The following TTC27 variants were observed in gnomAD, a reference collection of about 807,000 sequenced individuals.
TTC27 encodes the protein tetratricopeptide repeat protein 27.
A neutral mutation model predicts 115.9 loss-of-function variants in TTC27; 79 were observed. The ratio of observed to expected loss-of-function variants is 0.68; its 90% CI spans 0.57 to 0.82. TTC27 has a LOEUF of 0.82. TTC27 is among the 40% of genes least tolerant of loss of function. The probability of loss-of-function intolerance (pLI) is 0.00; values close to 1 mark genes in which losing one functional copy is unlikely to be tolerated. For missense variants in TTC27, 1,054 were observed against 993.1 expected (o/e 1.06, Z -0.82); for synonymous variants, 401 against 356.0 (o/e 1.13, Z -1.42).
intron 13 of TTC27, among the ~76,000 whole-genome samples, chr2:32,760,685 A>G (rs112233861): frequency 0.012 from 1,801 of 152,152 alleles, 33 homozygotes; most frequent in African/African-American, 0.04. Flanking sequence ...ATATCCTTGC[A>G]TATCTTGGAA....
Position 32,777,902 on chromosome 2 carries a change from C to A in TTC27, c.1701C>A (p.Leu567=). 1.9e-6 allele frequency: 3 copies of A among 1,613,996 alleles called. No homozygotes were observed. The highest frequency in any genetic ancestry group is 2.5e-6 in the Non-Finnish European group (3 of 1,179,976). The change falls in exon 14 of 20, where the codon CTC becomes CTA. Residue 567 remains leucine, a synonymous_variant. Coordinates refer to ENST00000317907, the MANE Select transcript of TTC27 (RefSeq NM_017735.5). ...NPMQLGVWFS[L]GCAYLALEDY... is the part of the protein sequence containing the mutation. ...TGCAGCTCGGGGTGTGGTTTTCTCT[C>A]GGTTGTGCCTATTTGGCCTTGGAAG...
intron 19 of TTC27, among the ~76,000 whole-genome samples, chr2:32,818,272 A>G (rs1219020085): frequency 6.6e-6 from 1 of 152,202 alleles, no homozygotes; most frequent in South Asian, 2.1e-4. Flanking sequence ...TTTCATGAAT[A>G]TTATTGCTTA....
chr2:32,704,164 A>G (rs539192424), intron 10 of TTC27, among the ~76,000 whole-genome samples: 2 of 152,266 alleles, frequency 1.3e-5, no homozygotes, highest in South Asian at 2.1e-4. Context: ...CATTCGGACT[A>G]TAGTAATTAA....
chr2:32,723,617 A>G (rs1667996898), intron 10 of TTC27, among the ~76,000 whole-genome samples: 2 of 151,814 alleles, frequency 1.3e-5, no homozygotes, highest in Non-Finnish European at 2.9e-5. Flanking sequence ...AATTGAGCTC[A>G]CTTAGAATAG....
At chr2:32,678,795 A>G in intron 8 of TTC27, 61 bp from the exon 9 acceptor site, 2 of 1,289,468 alleles carry the variant, frequency 1.6e-6, no homozygotes, top group Non-Finnish European at 2.2e-6. Flanking sequence ...TTTAAAAATT[A>G]TATTTCATTA....
At chr2:32,777,145 C>G (rs1670022488) in intron 13 of TTC27, among the ~76,000 whole-genome samples, 1 of 152,196 alleles carries the variant, frequency 6.6e-6, no homozygotes, top group Non-Finnish European at 1.5e-5. Flanking sequence ...ATGCCTAAAG[C>G]AGATATATGC....
chr2:32,727,556 T>C (rs879641158), intron 10 of TTC27, among the ~76,000 whole-genome samples: 1 of 152,210 alleles, frequency 6.6e-6, no homozygotes, highest in Non-Finnish European at 1.5e-5. Context: ...ACTAACATAC[T>C]CTTTCCCTGT....
At chr2:32,742,211 G>C (rs1283192935) in intron 12 of TTC27, among the ~76,000 whole-genome samples, 1 of 152,092 alleles carries the variant, frequency 6.6e-6, no homozygotes, top group Non-Finnish European at 1.5e-5. Flanking sequence ...CCCCACAACT[G>C]CCTCCCATCA....
At chr2:32,773,441 G>A (rs1297384360) in intron 13 of TTC27, among the ~76,000 whole-genome samples, 2 of 152,178 alleles carry the variant, frequency 1.3e-5, no homozygotes, top group Non-Finnish European at 2.9e-5. Flanking sequence ...GGTTTTCCCA[G>A]CACATGTTAA....
chr2:32,771,530 T>C (rs1047805177), intron 13 of TTC27, among the ~76,000 whole-genome samples: 2 of 152,188 alleles, frequency 1.3e-5, no homozygotes, highest in Non-Finnish European at 2.9e-5. Context: ...TAATAACCTC[T>C]AGTAAAAGAA....
intron 10 of TTC27, among the ~76,000 whole-genome samples, chr2:32,728,037 CTTTTT>C (rs564322443): frequency 1.9e-5 from 2 of 105,326 alleles, no homozygotes; most frequent in Admixed American, 1.1e-4. Flanking sequence ...AGGACTGCCT[CTTTTT>C]TTTTTTTTTT....
At chr2:32,731,891 T>C (rs181917612) in intron 10 of TTC27, among the ~76,000 whole-genome samples, 20 of 152,342 alleles carry the variant, frequency 1.3e-4, no homozygotes, top group Non-Finnish European at 2.4e-4. Context: ...AATGAGGAAA[T>C]ATTTACTGAG....
At chr2:32,760,716 C>G (rs1669406445) in intron 13 of TTC27, among the ~76,000 whole-genome samples, 1 of 152,180 alleles carries the variant, frequency 6.6e-6, no homozygotes, top group South Asian at 2.1e-4. Flanking sequence ...AAAGTTTACC[C>G]TAGCTGCAGT....
At chr2:32,737,059 C>T (rs1279319117) in intron 12 of TTC27, among the ~76,000 whole-genome samples, 1 of 152,062 alleles carries the variant, frequency 6.6e-6, no homozygotes, top group African/African-American at 2.4e-5. Flanking sequence ...CTTTACTCAC[C>T]TTCTCCCTTA....
chr2:32,696,137 A>AAAT (rs1666979281), intron 9 of TTC27, among the ~76,000 whole-genome samples: 1 of 149,076 alleles, frequency 6.7e-6, no homozygotes, highest in Non-Finnish European at 1.5e-5. Flanking sequence ...AAAAAAAAAA[A>AAAT]AATAATTGTT....
intron 16 of TTC27, among the ~76,000 whole-genome samples, chr2:32,805,746 G>T (rs1006679846): frequency 6.6e-6 from 1 of 152,194 alleles, no homozygotes; most frequent in Non-Finnish European, 1.5e-5. Flanking sequence ...GAGGATCAAT[G>T]ATAATTGTAA....
intron 12 of TTC27, among the ~76,000 whole-genome samples, chr2:32,737,085 G>A (rs574622496): frequency 2.0e-5 from 3 of 152,214 alleles, no homozygotes; most frequent in Admixed American, 1.3e-4. Context: ...ACTTCAAAGC[G>A]AAATATTTGG....
intron 11 of TTC27, among the ~76,000 whole-genome samples, chr2:32,736,389 A>G (rs1480802082): frequency 1.3e-5 from 2 of 152,160 alleles, no homozygotes; most frequent in Non-Finnish European, 2.9e-5. Context: ...TTATATACAG[A>G]GTGTCTAGGT....
At chr2:32,713,092 C>T (rs1374518710) in intron 10 of TTC27, among the ~76,000 whole-genome samples, 1 of 152,050 alleles carries the variant, frequency 6.6e-6, no homozygotes, top group Admixed American at 6.5e-5. Flanking sequence ...TCTCACTCTC[C>T]CTCTTGTGCC....
Sources: allele counts gnomAD v4.1 joint callset (sites outside exome capture counted in the v4.1 genomes callset), GRCh38; gene constraint gnomAD v4.1.1; transcripts MANE v1.5; gene names NCBI Gene and HGNC (gene_info 2026-07-23, HGNC 2026-07-21).